The following RAMP1 variants were observed in gnomAD, a reference collection of about 807,000 sequenced individuals.
RAMP1 encodes receptor activity modifying protein 1, also known as receptor activity-modifying protein 1.
Under a neutral mutation model 8.2 loss-of-function variants are expected in RAMP1, and 7 were observed. The observed-to-expected ratio is 0.85, with a 90% CI of 0.49 to 1.60. RAMP1 has a LOEUF of 1.60. RAMP1 is among the 40% of genes most tolerant of loss of function. The pLI, the probability that RAMP1 is intolerant of heterozygous loss-of-function variation, is 0.00. For missense variants in RAMP1, 192 were observed against 202.4 expected (o/e 0.95, Z 0.31); for synonymous variants, 92 against 84.7 (o/e 1.09, Z -0.47).
intron 2 of RAMP1, among the ~76,000 whole-genome samples, chr2:237,909,425 T>C (rs1300012795): frequency 6.6e-6 from 1 of 151,944 alleles, no homozygotes; most frequent in Non-Finnish European, 1.5e-5. Flanking sequence ...CATGGAATGG[T>C]GACAACAGTG....
chr2:237,904,594 C>G (rs2062635866), intron 2 of RAMP1, among the ~76,000 whole-genome samples: 1 of 152,108 alleles, frequency 6.6e-6, no homozygotes, highest in African/African-American at 2.4e-5. Flanking sequence ...AGCAACAGAG[C>G]AAAACGCTGT....
chr2:237,910,487 ACAGT>A (rs748987779), intron 2 of RAMP1, among the ~76,000 whole-genome samples: 2 of 152,136 alleles, frequency 1.3e-5, no homozygotes, highest in African/African-American at 4.8e-5. Context: ...ACACCCACAC[ACAGT>A]CACACACAGA....
intron 2 of RAMP1, among the ~76,000 whole-genome samples, chr2:237,901,504 A>T (rs997733029): frequency 6.6e-6 from 1 of 152,216 alleles, no homozygotes; most frequent in African/African-American, 2.4e-5. Context: ...CCTTGTGAAG[A>T]TGAGGCTAAG....
Position 237,874,596 on chromosome 2 carries a change from G to A in RAMP1, c.53-2628G>A, listed in dbSNP as rs137857576. 912 of 876,784 alleles carry A rather than the reference G, an allele frequency of 1.0e-3. 11 individuals carry two copies. In the African/African-American group the frequency reaches 0.016, roughly 15 times the overall value. The allele number at this position is 876,784 out of a possible 1,614,324, so 54.3% of individuals were successfully genotyped here. ...AGAAGCGGCTCTTCCAAAGCAGGAG[G>A]GGAGTCTGCAGTGGTTCATGACCCT... On this transcript the variant is annotated intron_variant, in intron 1 of 2. Coordinates refer to ENST00000254661, the MANE Select transcript of RAMP1 (RefSeq NM_005855.4).
intron 2 of RAMP1, among the ~76,000 whole-genome samples, chr2:237,900,337 T>C (rs2062584980): frequency 1.3e-5 from 2 of 152,260 alleles, no homozygotes; most frequent in Admixed American, 1.3e-4. Context: ...ATTTTGATAT[T>C]TTCAGCAGAG....
In RAMP1 at chr2:237,862,566, T is replaced by C. The variant is rs965337785; in HGVS notation, c.52+2839T>C. On this transcript the variant is annotated intron_variant, in intron 1 of 2. Coordinates refer to ENST00000254661, the MANE Select transcript of RAMP1 (RefSeq NM_005855.4). This position sits in a 1 kb window ranked among gnomAD's most constrained non-coding sequence, Gnocchi z 4.0. ...CCCCAGAATGCGCCCATTTCATAGC[T>C]TCTAATCAGTTACAACTGGCGTCTG... Among the ~76,000 whole-genome samples, 2 of 152,232 alleles carry C rather than the reference T, an allele frequency of 1.3e-5. No individual in the cohort carries two copies. The highest frequency in any genetic ancestry group is 2.9e-5 in the Non-Finnish European group (2 of 68,036).
chr2:237,861,991 A>G (rs902268604), intron 1 of RAMP1, among the ~76,000 whole-genome samples: 1 of 152,202 alleles, frequency 6.6e-6, no homozygotes, highest in African/African-American at 2.4e-5. Flanking sequence ...TAACCAGGAA[A>G]GAAGGATGCG....
intron 2 of RAMP1, among the ~76,000 whole-genome samples, chr2:237,879,479 C>T (rs1576541921): frequency 1.3e-5 from 2 of 149,584 alleles, no homozygotes; most frequent in East Asian, 3.9e-4. Context: ...TGGGAATTTT[C>T]GTTTTTTTAT....
chr2:237,908,374 T>G (rs76744183), intron 2 of RAMP1, among the ~76,000 whole-genome samples: 3,689 of 146,114 alleles, frequency 0.025, 111 homozygotes, highest in African/African-American at 0.065. Flanking sequence ...GTCTTGGGTG[T>G]GACTGTCCTG....
intron 1 of RAMP1, among the ~76,000 whole-genome samples, chr2:237,863,371 C>T (rs1282737324): frequency 1.3e-5 from 2 of 152,170 alleles, no homozygotes; most frequent in Non-Finnish European, 2.9e-5. Context: ...TGACACATCC[C>T]ACAGCAGACA....
intron 2 of RAMP1, among the ~76,000 whole-genome samples, chr2:237,909,021 G>C (rs1005184486): frequency 3.9e-5 from 6 of 152,142 alleles, no homozygotes; most frequent in African/African-American, 9.7e-5. Flanking sequence ...TGGCATCATG[G>C]ATACGGGGGT....
At chr2:237,860,610 C>G (rs531030482) in intron 1 of RAMP1, among the ~76,000 whole-genome samples, 1 of 152,228 alleles carries the variant, frequency 6.6e-6, no homozygotes, top group Non-Finnish European at 1.5e-5. Flanking sequence ...TACCTTTTAA[C>G]GGAAACTGTG....
rs1347635191 is a variant in RAMP1 at position 237,877,964 on chromosome 2, TCAGCAGGCCGGGGGGTTCTCCC to T, written c.191+612_191+633del. ...CAGCCTCCTGGGTGCTGGGCCCCCA[TCAGCAGGCCGGGGGGTTCTCCC>T]CAGCAGGCCCAGGCTCCTCTGCCTC... is the stretch of plus-strand genomic sequence containing the variant. On this transcript the variant is annotated intron_variant, in intron 2 of 2. Coordinates refer to ENST00000254661, the MANE Select transcript of RAMP1 (RefSeq NM_005855.4). The surrounding 1 kb of genome is among the most constrained non-coding windows in gnomAD (Gnocchi z 4.4). 13 of 985,272 alleles carry T rather than the reference TCAGCAGGCCGGGGGGTTCTCCC, an allele frequency of 1.3e-5. No homozygotes were observed. Among genetic ancestry groups the T allele is most frequent in the Non-Finnish European group, 1.6e-5 (13 of 829,906 alleles). The allele number at this position is 985,272 out of a possible 1,614,324, so 61.0% of individuals were successfully genotyped here.
chr2:237,859,829 G>C, intron 1 of RAMP1, 102 bp downstream of exon 1: 3 of 1,092,216 alleles, frequency 2.7e-6, no homozygotes, highest in Non-Finnish European at 3.6e-6. Flanking sequence ...GGAGCGGGTG[G>C]GGGCGGGCGC....
At chr2:237,874,887 G>A (rs1380803466) in intron 1 of RAMP1, among the ~76,000 whole-genome samples, 2 of 152,166 alleles carry the variant, frequency 1.3e-5, no homozygotes, top group Admixed American at 6.5e-5. Context: ...GACAGGGTAA[G>A]GGGGCAGGCT....
chr2:237,876,900 G>T (rs528095392), intron 1 of RAMP1, among the ~76,000 whole-genome samples: 8 of 152,276 alleles, frequency 5.3e-5, no homozygotes, highest in Non-Finnish European at 8.8e-5. Flanking sequence ...TGGAACAGGG[G>T]CAGCCAGAGA....
At chr2:237,911,442 G>A (rs2062711100) in intron 2 of RAMP1, 86 bp from the exon 3 acceptor site, 1 of 1,535,780 alleles carries the variant, frequency 6.5e-7, no homozygotes, top group Non-Finnish European at 8.9e-7. Context: ...GCTGCATGAG[G>A]GGCCACGGTG....
Position 237,879,594 on chromosome 2 carries a change from CTCG to C in RAMP1, c.191+2235_191+2237del, listed in dbSNP as rs748518708. The stretch of plus-strand genomic sequence containing the variant: ...CATATTGGTGTGCTGCACCCATTAA[CTCG>C]TCATTTAATGGGTTCAGCACACCAA... On this transcript the variant is annotated intron_variant, in intron 2 of 2. Coordinates refer to ENST00000254661, the MANE Select transcript of RAMP1 (RefSeq NM_005855.4). 1.6e-4 allele frequency among the ~76,000 whole-genome samples: 19 copies of C among 120,174 alleles called. No homozygotes were observed. The South Asian group carries it at 5.7e-3, about 36-fold the overall frequency. The allele number at this position is 120,174 out of a possible 152,430, so 78.8% of individuals were successfully genotyped here. A position where few individuals can be genotyped will look rare whatever the true frequency, so the allele number is the denominator to read the frequency against.
chr2:237,889,920 C>T (rs1429912503), intron 2 of RAMP1, among the ~76,000 whole-genome samples: 1 of 152,172 alleles, frequency 6.6e-6, no homozygotes, highest in Non-Finnish European at 1.5e-5. Context: ...GGGTTGTTAC[C>T]TGATACTGCT....
Sources: allele counts gnomAD v4.1 joint callset (sites outside exome capture counted in the v4.1 genomes callset), GRCh38; gene constraint gnomAD v4.1.1; non-coding constraint Gnocchi (gnomAD v3.1); transcripts MANE v1.5; gene names NCBI Gene and HGNC (gene_info 2026-07-23, HGNC 2026-07-21).